Variants in CDH20 observed in about 807,000 individuals in gnomAD.
CDH20 encodes cadherin-20.
Under a neutral mutation model 74.2 loss-of-function variants are expected in CDH20, and 29 were observed. The observed-to-expected ratio is 0.39, with a 90% CI of 0.29 to 0.53. The LOEUF (loss-of-function observed/expected upper bound fraction) is 0.53, where lower values mean the gene tolerates loss of function less well. CDH20 is among the 20% of genes least tolerant of loss of function. The probability of loss-of-function intolerance (pLI) is 0.69; values close to 1 mark genes in which losing one functional copy is unlikely to be tolerated. For synonymous variants in CDH20, 469 were observed against 405.4 expected (o/e 1.16, Z -1.88); for missense variants, 988 against 1,048.3 (o/e 0.94, Z 0.79).
Position 61,536,527 on chromosome 18 carries a change from T to C in CDH20, c.1306T>C (p.Phe436Leu), listed in dbSNP as rs1271667033. 6.2e-7 allele frequency: 1 copy of C among 1,613,594 alleles called. No homozygotes were observed. Among genetic ancestry groups the C allele is most frequent in the African/African-American group, 1.3e-5 (1 of 74,918 alleles). The change falls in exon 8 of 12, where the codon TTT becomes CTT. Residue 436 changes from phenylalanine to leucine, a missense_variant. This residue lies in a region of CDH20 where 613 missense variants were observed against 755.2 expected (regional missense o/e 0.81). Transcript: ENST00000262717. ...TGATAGAAGCAGTGACCCTGGAAGA[T>C]TTTTCTATGTTGACATTACAACAGG... is the stretch of plus-strand genomic sequence containing the variant. ...SIDRSSDPGR[F>L]FYVDITTGAL...
intron 1 of CDH20, among the ~76,000 whole-genome samples, chr18:61,442,404 T>C (rs1224312341): frequency 6.7e-6 from 1 of 149,160 alleles, no homozygotes; most frequent in Non-Finnish European, 1.5e-5. Flanking sequence ...ATGCTGGTCA[T>C]GAGGACTTCC....
At chr18:61,378,477 G>A (rs1163580961) in intron 1 of CDH20, among the ~76,000 whole-genome samples, 1 of 152,176 alleles carries the variant, frequency 6.6e-6, no homozygotes, top group Non-Finnish European at 1.5e-5. Context: ...CGGATTAGAT[G>A]ATGCCTGCTC....
At chr18:61,380,963 T>C (rs947456252) in intron 1 of CDH20, among the ~76,000 whole-genome samples, 1 of 152,236 alleles carries the variant, frequency 6.6e-6, no homozygotes, top group Non-Finnish European at 1.5e-5. Flanking sequence ...ATACTTTTAG[T>C]GTGATGAACA....
chr18:61,457,632 C>T (rs1909618295), intron 1 of CDH20, among the ~76,000 whole-genome samples: 1 of 152,150 alleles, frequency 6.6e-6, no homozygotes, highest in African/African-American at 2.4e-5. Flanking sequence ...GTTCCTTCTA[C>T]TTCTCAGACT....
At chr18:61,531,027 T>C (rs1034716747) in intron 7 of CDH20, among the ~76,000 whole-genome samples, 3 of 152,232 alleles carry the variant, frequency 2.0e-5, no homozygotes, top group Non-Finnish European at 4.4e-5. Flanking sequence ...GAAAACCACC[T>C]ACATAATTCA....
chr18:61,529,148 GA>G (rs1912554281), intron 7 of CDH20, among the ~76,000 whole-genome samples: 1 of 152,208 alleles, frequency 6.6e-6, no homozygotes, highest in African/African-American at 2.4e-5. Flanking sequence ...CCAAACCTAT[GA>G]AGCGTGACAC....
At chr18:61,549,417 A>G (rs1913357930) in intron 10 of CDH20, among the ~76,000 whole-genome samples, 1 of 152,250 alleles carries the variant, frequency 6.6e-6, no homozygotes, top group South Asian at 2.1e-4. Context: ...AGAAGCTTCT[A>G]CTAAATGAGC....
At chr18:61,476,575 G>A (rs907065303) in intron 1 of CDH20, among the ~76,000 whole-genome samples, 1 of 152,126 alleles carries the variant, frequency 6.6e-6, no homozygotes, top group Non-Finnish European at 1.5e-5. Flanking sequence ...TCCAGTAGAA[G>A]GTCGATGATA....
At chr18:61,531,069 T>C (rs1254294121) in intron 7 of CDH20, among the ~76,000 whole-genome samples, 1 of 151,994 alleles carries the variant, frequency 6.6e-6, no homozygotes, top group Non-Finnish European at 1.5e-5. Context: ...GTTTTCCATC[T>C]GTATCTACAC....
intron 6 of CDH20, among the ~76,000 whole-genome samples, chr18:61,521,187 TAAAAAA>T (rs1156447120): frequency 6.7e-6 from 1 of 150,190 alleles, no homozygotes; most frequent in Non-Finnish European, 1.5e-5. Context: ...GCCACACTAA[TAAAAAA>T]GAAAAGAGAG....
At chr18:61,450,586 G>A (rs1286010373) in intron 1 of CDH20, among the ~76,000 whole-genome samples, 1 of 151,856 alleles carries the variant, frequency 6.6e-6, no homozygotes, top group Non-Finnish European at 1.5e-5. Flanking sequence ...TATTATAGAG[G>A]TAATGCATGT....
At chr18:61,496,103 TTCTCTCCTCCCTTCCTCTCCCCC>T (rs1599125312) in intron 2 of CDH20, among the ~76,000 whole-genome samples, 9 of 7,946 alleles carry the variant, frequency 1.1e-3, no homozygotes, top group East Asian at 2.2e-3. Context: ...TCCTCTCTCC[TTCTCTCCTCCCTTCCTCTCCCCC>T]TCTCTCCTCC....
chr18:61,335,653 C>G (rs958918673), intron 1 of CDH20, among the ~76,000 whole-genome samples: 3 of 152,200 alleles, frequency 2.0e-5, no homozygotes, highest in Non-Finnish European at 4.4e-5. Flanking sequence ...TCTGCAGATA[C>G]TCAAGTAACT....
chr18:61,508,698 G>A (rs766445437), intron 6 of CDH20, among the ~76,000 whole-genome samples: 6 of 152,182 alleles, frequency 3.9e-5, no homozygotes, highest in South Asian at 4.2e-4. Context: ...GTACAGTGGC[G>A]CAATCTCGGC....
Position 61,421,057 on chromosome 18 carries a change from T to A in CDH20, c.-152-69345T>A, listed in dbSNP as rs566680470. Among the ~76,000 whole-genome samples, 3 of 152,098 alleles carry A rather than the reference T, an allele frequency of 2.0e-5. No individual in the cohort carries two copies. The South Asian group carries it at 6.2e-4, about 32-fold the overall frequency. ...CAGAGCGATACTGTCTCCAAAAAAA[T>A]AATAATAATACATACTAAAATTTGC... is the stretch of plus-strand genomic sequence containing the variant. On this transcript the variant is annotated intron_variant, in intron 1 of 11. Transcript: ENST00000262717.
At chr18:61,445,563 T>C (rs1909171970) in intron 1 of CDH20, among the ~76,000 whole-genome samples, 1 of 152,214 alleles carries the variant, frequency 6.6e-6, no homozygotes, top group Admixed American at 6.5e-5. Flanking sequence ...AGCTCAGAAA[T>C]GTTAAGTAAC....
At position 61,539,158 on chromosome 18, in the gene CDH20, G is replaced by T; in HGVS notation, c.1530+13G>T. On this transcript the variant is annotated intron_variant, in intron 9 of 11. Transcript: ENST00000262717. ...CAAGGCAGGACAGGTAAGGTGGCCT[G>T]TGGGTGGTGCACTCTGCTTAACCCC... is the stretch of plus-strand genomic sequence containing the variant. The T allele has an allele frequency of 1.2e-6, 2 of 1,613,926 alleles. No individual in the cohort carries two copies. Among genetic ancestry groups the T allele is most frequent in the Non-Finnish European group, 1.7e-6 (2 of 1,179,922 alleles).
intron 1 of CDH20, among the ~76,000 whole-genome samples, chr18:61,347,349 CA>C (rs1910160726): frequency 8.6e-6 from 1 of 116,278 alleles, no homozygotes; most frequent in African/African-American, 3.3e-5. Flanking sequence ...CACACACACA[CA>C]CATATATATA....
intron 1 of CDH20, among the ~76,000 whole-genome samples, chr18:61,453,715 G>A (rs1177034948): frequency 1.3e-5 from 2 of 152,204 alleles, no homozygotes; most frequent in Non-Finnish European, 2.9e-5. Context: ...ACTCACTGAA[G>A]GACAACTGGG....
Sources: allele counts gnomAD v4.1 joint callset (sites outside exome capture counted in the v4.1 genomes callset), GRCh38; gene constraint gnomAD v4.1.1; regional missense constraint gnomAD v4.1.1; transcripts MANE v1.5; gene names NCBI Gene and HGNC (gene_info 2026-07-23, HGNC 2026-07-21).